Variants in B9D1 observed in about 807,000 individuals in gnomAD.
B9D1 encodes B9 domain containing 1.
In B9D1, 20 loss-of-function variants were observed where a neutral mutation model predicts 26.1. The ratio of observed to expected loss-of-function variants is 0.77; its 90% CI spans 0.54 to 1.12. B9D1 has a LOEUF of 1.12. Among genes scored for constraint, B9D1 ranks in the 50% most tolerant of loss-of-function variants. The pLI is 0.00. For missense variants in B9D1, 260 were observed against 273.7 expected (o/e 0.95, Z 0.35); for synonymous variants, 105 against 103.1 (o/e 1.02, Z -0.11).
chr17:19,369,662 T>G (rs1440028004), intron 1 of B9D1, among the ~76,000 whole-genome samples: 1 of 152,076 alleles, frequency 6.6e-6, no homozygotes, highest in Non-Finnish European at 1.5e-5. Flanking sequence ...CCAGGTAGGT[T>G]TGCCAGACTT....
At chr17:19,343,539 C>T (rs762823446) in intron 6 of B9D1, 78 bp from the exon 7 acceptor site, 2 of 1,601,800 alleles carry the variant, frequency 1.2e-6, no homozygotes, top group East Asian at 2.3e-5. Flanking sequence ...ATCTCAGCCT[C>T]AGCGTTCTCA....
At chr17:19,365,717 G>A (rs763740899), upstream of B9D1, among the ~76,000 whole-genome samples, 12 of 152,172 alleles carry the variant, frequency 7.9e-5, no homozygotes, top group Non-Finnish European at 1.3e-4. The surrounding 1 kb of genome is among the most constrained non-coding windows in gnomAD (Gnocchi z 5.0). Context: ...TGCCTGCAGT[G>A]GAATCCTATG....
At chr17:19,343,085 C>T, downstream of B9D1, 1 of 1,411,586 alleles carries the variant, frequency 7.1e-7, no homozygotes. Context: ...ACAGGGAGAG[C>T]CCTGGAGGTG....
At chr17:19,334,936 C>T (rs1324833460), downstream of B9D1, 2 of 153,700 alleles carry the variant, frequency 1.3e-5, no homozygotes, top group Non-Finnish European at 1.5e-5. This position sits in a 1 kb window ranked among gnomAD's most constrained non-coding sequence, Gnocchi z 4.9. Context: ...ATTTTTATAA[C>T]GTGGTTCTTA....
At chr17:19,357,988 C>G (rs761364313) in intron 2 of B9D1, 37 bp from the exon 3 acceptor site, 3 of 1,529,826 alleles carry the variant, frequency 2.0e-6, no homozygotes, top group African/African-American at 2.7e-5. Context: ...GGATTCAGAG[C>G]AGAGCCAAGC....
At chr17:19,341,170 G>T, downstream of B9D1, 1 of 1,231,118 alleles carries the variant, frequency 8.1e-7, no homozygotes, top group South Asian at 4.1e-5. Flanking sequence ...CCCAGCTGCT[G>T]ACAGGCTGGA....
In B9D1 at chr17:19,373,000, TGAG is replaced by T. The variant is rs1911961840; in HGVS notation, c.-298+4856_-298+4858del. 6.6e-6 allele frequency among the ~76,000 whole-genome samples: 1 copy of T among 152,190 alleles called. No individual in the cohort carries two copies. Among genetic ancestry groups the T allele is most frequent in the Admixed American group, 6.5e-5 (1 of 15,276 alleles). On this transcript the variant is annotated intron_variant, in intron 1 of 5. Coordinates refer to the B9D1 transcript ENST00000477478. This position sits in a 1 kb window ranked among gnomAD's most constrained non-coding sequence, Gnocchi z 4.4. ...AAATGGCCCTCATCCATACGTGGTCTGAGGAGTTTGGCTGAGCCGGACTCCCTG... is the reference window on the plus strand; with the variant it reads ...AAATGGCCCTCATCCATACGTGGTCTGAGTTTGGCTGAGCCGGACTCCCTG...
At chr17:19,339,120 G>T (rs973253427), downstream of B9D1, among the ~76,000 whole-genome samples, 1 of 152,224 alleles carries the variant, frequency 6.6e-6, no homozygotes, top group African/African-American at 2.4e-5. Context: ...TTGTTCAGAT[G>T]AGAAGTTTTA....
Position 19,362,642 on chromosome 17 carries a change from G to A in B9D1, c.-73C>T, listed in dbSNP as rs1197188241. ...GCTAAGAGACGCCGGCGTTGCCCTA[G>A]AAACAGACGGCGTAGCGCGCAGGAC... On this transcript the variant is annotated 5_prime_UTR_variant, in exon 1 of 7. Coordinates refer to ENST00000261499, the MANE Select transcript of B9D1 (RefSeq NM_015681.6). 5 of 1,557,158 alleles carry A rather than the reference G, an allele frequency of 3.2e-6. No individual in the cohort carries two copies. The South Asian group carries it at 5.9e-5, about 18-fold the overall frequency.
chr17:19,349,194 C>G (rs563019210), intron 3 of B9D1, among the ~76,000 whole-genome samples: 1 of 152,156 alleles, frequency 6.6e-6, no homozygotes, highest in Admixed American at 6.5e-5. Context: ...TTTGAGCCGT[C>G]CTAGTGAGAG....
chr17:19,335,632 G>A (rs1026307639), downstream of B9D1: 6 of 534,552 alleles, frequency 1.1e-5, no homozygotes, highest in Non-Finnish European at 1.9e-5. Flanking sequence ...GGGGGCTAAG[G>A]GACCAGGGCT....
At position 19,370,858 on chromosome 17, in the gene B9D1, C is replaced by T. The variant is rs878989980; in HGVS notation, c.-298+7001G>A. 4.6e-5 allele frequency among the ~76,000 whole-genome samples: 7 copies of T among 152,178 alleles called. No homozygotes were observed. The highest frequency in any genetic ancestry group is 1.4e-4 in the African/African-American group (6 of 41,448). ...GCAGTCCCTTTCCCACGGGGAGGGC[C>T]GCATGCAAATGCCACACTGAGCTGA... On this transcript the variant is annotated intron_variant, in intron 1 of 5. Coordinates refer to the B9D1 transcript ENST00000477478. The surrounding 1 kb of genome is among the most constrained non-coding windows in gnomAD (Gnocchi z 5.1).
rs1908999327 is a variant in B9D1, at chr17:19,347,568, C to T, written c.341+216G>A. On this transcript the variant is annotated intron_variant, in intron 4 of 6. Transcript: ENST00000261499. The surrounding 1 kb of genome is among the most constrained non-coding windows in gnomAD (Gnocchi z 4.3). ...TCAGGGTCTTTTCTTTTCTGGGTCC[C>T]ACTACCTCCCCAACCCACCTGGTGT... is the stretch of plus-strand genomic sequence containing the variant. Among the ~76,000 whole-genome samples the T allele has an allele frequency of 6.6e-6, 1 of 152,160 alleles. No homozygotes were observed. The highest frequency in any genetic ancestry group is 1.5e-5 in the Non-Finnish European group (1 of 68,026).
Position 19,347,037 on chromosome 17 carries a change from C to A in B9D1, c.404+232G>T. The A allele has an allele frequency of 6.5e-7, 1 of 1,547,690 alleles. No individual in the cohort carries two copies. The highest frequency in any genetic ancestry group is 8.7e-7 in the Non-Finnish European group (1 of 1,146,352). ...AGTTTTTCCTCTGCTCCCTCAGACACAAAGATTTTTCACAGGGCACAGGGT... is the reference window on the plus strand; with the variant it reads ...AGTTTTTCCTCTGCTCCCTCAGACAAAAAGATTTTTCACAGGGCACAGGGT... On this transcript the variant is annotated intron_variant, in intron 5 of 6. Transcript: ENST00000261499. The surrounding 1 kb of genome is among the most constrained non-coding windows in gnomAD (Gnocchi z 4.3).
chr17:19,338,561 C>G (rs778509645), downstream of B9D1, among the ~76,000 whole-genome samples: 1 of 152,348 alleles, frequency 6.6e-6, no homozygotes, highest in South Asian at 2.1e-4. Context: ...GTGTGGTCTC[C>G]GTCACCTGAT....
intron 1 of B9D1, among the ~76,000 whole-genome samples, chr17:19,373,651 G>T (rs143320164): frequency 6.6e-6 from 1 of 151,934 alleles, no homozygotes; most frequent in Non-Finnish European, 1.5e-5. Context: ...CACCTGCCGC[G>T]GACTCCCAAA....
At chr17:19,352,010 C>T (rs137911121) in intron 3 of B9D1, among the ~76,000 whole-genome samples, 38 of 152,208 alleles carry the variant, frequency 2.5e-4, no homozygotes, top group African/African-American at 8.4e-4. Flanking sequence ...CTCAGCCTCC[C>T]GAGTAGCTGG....
At position 19,362,705 on chromosome 17, in the gene B9D1, G is replaced by A. The variant is rs1167549912; in HGVS notation, c.-136C>T. 1.3e-6 allele frequency: 2 copies of A among 1,527,766 alleles called. No individual in the cohort carries two copies. The highest frequency in any genetic ancestry group is 2.8e-5 in the African/African-American group (2 of 72,724). 94.6% of individuals were successfully genotyped at this position (1,527,766 alleles called of 1,614,324 possible). ...AGCGACACCTTCGCGAAGGCCACGC[G>A]AGTGCGCGTGTGGCATGCGCAGGCG... On this transcript the variant is annotated 5_prime_UTR_variant, in exon 1 of 7. Coordinates refer to ENST00000261499, the MANE Select transcript of B9D1 (RefSeq NM_015681.6).
chr17:19,368,103 G>C (rs940091432), intron 1 of B9D1, among the ~76,000 whole-genome samples: 1 of 152,134 alleles, frequency 6.6e-6, no homozygotes, highest in African/African-American at 2.4e-5. Flanking sequence ...AGAATAAACC[G>C]GTCTGGGTCT....
Sources: gnomAD v4.1 joint callset for allele counts (sites outside exome capture counted in the v4.1 genomes callset) on GRCh38, gnomAD v4.1.1 for gene constraint, Gnocchi (gnomAD v3.1) non-coding constraint, MANE v1.5 for transcripts, NCBI Gene and HGNC (gene_info 2026-07-23, HGNC 2026-07-21) for gene names.